MAN1A2: variants seen among roughly 807,000 people sequenced by gnomAD.
The protein encoded by MAN1A2 is mannosidase alpha class 1A member 2, also known as mannosyl-oligosaccharide 1,2-alpha-mannosidase IB.
MAN1A2 carries 26 observed loss-of-function variants against 75.7 expected under a neutral mutation model. The observed-to-expected ratio is 0.34, with a 90% CI of 0.25 to 0.48. The LOEUF (loss-of-function observed/expected upper bound fraction) is 0.48. MAN1A2 is among the 20% of genes least tolerant of loss of function. MAN1A2 has a pLI of 0.99. For missense variants in MAN1A2, 562 were observed against 775.5 expected (o/e 0.72, Z 3.27); for synonymous variants, 247 against 264.6 (o/e 0.93, Z 0.65).
At position 117,524,126 on chromosome 1, in the gene MAN1A2, ATATT is replaced by A. The variant is rs977768344; in HGVS notation, c.*1173_*1176del. 1.2e-4 allele frequency: 18 copies of A among 152,206 alleles called. No homozygotes were observed. Among genetic ancestry groups the A allele is most frequent in the African/African-American group, 3.9e-4 (16 of 41,400 alleles). 9.4% of individuals were successfully genotyped at this position (152,206 alleles called of 1,614,324 possible). On this transcript the variant is annotated 3_prime_UTR_variant, in exon 13 of 13. Transcript: ENST00000356554. ...TATGTTTTTTTAATTTTCTCCAAGA[ATATT>A]TATAGAATTCCAAAGAATCAGAATA... is the stretch of plus-strand genomic sequence containing the variant.
intron 5 of MAN1A2, among the ~76,000 whole-genome samples, chr1:117,426,148 T>A (rs1363477505): frequency 6.6e-6 from 1 of 152,138 alleles, no homozygotes; most frequent in East Asian, 1.9e-4. Flanking sequence ...CTGCATTATC[T>A]TATAGCTTGC....
intron 5 of MAN1A2, among the ~76,000 whole-genome samples, chr1:117,437,945 A>T (rs925968519): frequency 2.0e-5 from 3 of 152,226 alleles, no homozygotes; most frequent in Non-Finnish European, 4.4e-5. Context: ...AGCATCTGCT[A>T]TATGCTAGGC....
intron 2 of MAN1A2, among the ~76,000 whole-genome samples, chr1:117,405,306 A>G (rs984251416): frequency 6.6e-6 from 1 of 152,274 alleles, no homozygotes; most frequent in Admixed American, 6.5e-5. Context: ...AGAATGCCAA[A>G]CAAATATGTA....
chr1:117,483,461 T>C (rs1450549348), intron 8 of MAN1A2, among the ~76,000 whole-genome samples: 1 of 152,090 alleles, frequency 6.6e-6, no homozygotes, highest in Admixed American at 6.6e-5. Context: ...TCACATCCCT[T>C]GTAAGTTGGA....
At chr1:117,420,692 G>T (rs760569814) in intron 5 of MAN1A2, 43 bp downstream of exon 5, 2 of 1,377,486 alleles carry the variant, frequency 1.5e-6, no homozygotes, top group Admixed American at 1.7e-5. Flanking sequence ...TGGAGGGGAG[G>T]GTTGGAATTT....
rs75004411 is a variant in MAN1A2, at chr1:117,499,339, A to G, written c.1505-43A>G. On this transcript the variant is annotated intron_variant, in intron 10 of 12. Coordinates refer to ENST00000356554, the MANE Select transcript of MAN1A2 (RefSeq NM_006699.5). ...GAAAGAAGTCCTTGCAAACAAACATAAATGGTTTATTTTGCTCAGTTATTT... is the reference window on the plus strand; with the variant it reads ...GAAAGAAGTCCTTGCAAACAAACATGAATGGTTTATTTTGCTCAGTTATTT... 7.5e-4 allele frequency: 1,028 copies of G among 1,377,984 alleles called. 7 individuals are homozygous for G. In the African/African-American group the frequency reaches 0.014, roughly 18 times the overall value. The allele number at this position is 1,377,984 out of a possible 1,614,324, so 85.4% of individuals were successfully genotyped here.
At chr1:117,495,296 G>C (rs184370085) in intron 9 of MAN1A2, among the ~76,000 whole-genome samples, 2 of 151,580 alleles carry the variant, frequency 1.3e-5, no homozygotes, top group South Asian at 2.1e-4. Flanking sequence ...CAGTTGATCA[G>C]CTTTCACTTT....
At chr1:117,468,228 G>A (rs980864054) in intron 8 of MAN1A2, among the ~76,000 whole-genome samples, 10 of 152,040 alleles carry the variant, frequency 6.6e-5, no homozygotes, top group African/African-American at 1.7e-4. Context: ...AGCAAGGCGG[G>A]GAAAAGCCCC....
intron 1 of MAN1A2, among the ~76,000 whole-genome samples, chr1:117,394,985 C>A (rs1017898277): frequency 6.6e-6 from 1 of 152,044 alleles, no homozygotes; most frequent in Admixed American, 6.5e-5. Context: ...AAAATTCCAG[C>A]GTAATTTTAT....
At chr1:117,490,953 G>A (rs1378057358) in intron 8 of MAN1A2, among the ~76,000 whole-genome samples, 1 of 152,060 alleles carries the variant, frequency 6.6e-6, no homozygotes, top group African/African-American at 2.4e-5. Flanking sequence ...TTCTGTGAAT[G>A]CTAAGAGAGG....
chr1:117,455,688 A>G (rs552488524), intron 6 of MAN1A2, among the ~76,000 whole-genome samples: 2 of 152,234 alleles, frequency 1.3e-5, no homozygotes, highest in Admixed American at 6.5e-5. Flanking sequence ...TAGACAACTC[A>G]AATTATGCTT....
chr1:117,399,912 G>T (rs1647362597), intron 1 of MAN1A2, among the ~76,000 whole-genome samples: 2 of 152,148 alleles, frequency 1.3e-5, no homozygotes, highest in Admixed American at 1.3e-4. Flanking sequence ...TGCAAGGACA[G>T]CTGGGAAAGA....
chr1:117,408,454 G>T (rs1431326005), intron 3 of MAN1A2, among the ~76,000 whole-genome samples: 5 of 151,198 alleles, frequency 3.3e-5, no homozygotes, highest in Non-Finnish European at 7.4e-5. Flanking sequence ...CTCTTTGAAG[G>T]GTGCATTTTA....
At chr1:117,447,339 TA>T (rs954656038) in intron 6 of MAN1A2, among the ~76,000 whole-genome samples, 4 of 152,148 alleles carry the variant, frequency 2.6e-5, no homozygotes, top group African/African-American at 9.6e-5. Flanking sequence ...TGTTGTGACT[TA>T]AAATTAATTC....
chr1:117,376,097 A>T (rs1380605067), intron 1 of MAN1A2, among the ~76,000 whole-genome samples: 1 of 151,968 alleles, frequency 6.6e-6, no homozygotes, highest in Non-Finnish European at 1.5e-5. Flanking sequence ...TTTTTTGTAG[A>T]GACGGGGTTT....
chr1:117,412,396 G>C (rs1301777233), intron 3 of MAN1A2, among the ~76,000 whole-genome samples: 1 of 151,392 alleles, frequency 6.6e-6, no homozygotes, highest in African/African-American at 2.4e-5. Context: ...TTAAAAACGA[G>C]GTTAATGGTA....
intron 7 of MAN1A2, among the ~76,000 whole-genome samples, chr1:117,466,054 G>A (rs574465344): frequency 1.3e-5 from 2 of 152,236 alleles, no homozygotes; most frequent in Non-Finnish European, 2.9e-5. Context: ...TTTCTAGGTA[G>A]TAGCATGTTG....
intron 6 of MAN1A2, among the ~76,000 whole-genome samples, chr1:117,453,044 G>A (rs1649473832): frequency 6.6e-6 from 1 of 152,186 alleles, no homozygotes; most frequent in Admixed American, 6.5e-5. Context: ...GAACAACAAA[G>A]TTCAGATGAG....
In MAN1A2 at chr1:117,411,779, T is replaced by C. The variant is rs1647827420; in HGVS notation, c.656-2934T>C. On this transcript the variant is annotated intron_variant, in intron 3 of 12. Coordinates refer to ENST00000356554, the MANE Select transcript of MAN1A2 (RefSeq NM_006699.5). Reference sequence around the variant, plus strand: ...AAAATTCACACCACAATGGAATATTTCTACACACCCATTAACATGTCTAAA... The same window carrying C: ...AAAATTCACACCACAATGGAATATTCCTACACACCCATTAACATGTCTAAA... 2.0e-5 allele frequency among the ~76,000 whole-genome samples: 3 copies of C among 151,900 alleles called. 1 individual carries two copies. The East Asian group carries it at 5.8e-4, about 29-fold the overall frequency.
Sources: allele counts gnomAD v4.1 joint callset (sites outside exome capture counted in the v4.1 genomes callset), GRCh38; gene constraint gnomAD v4.1.1; transcripts MANE v1.5; gene names NCBI Gene and HGNC (gene_info 2026-07-23, HGNC 2026-07-21).